MLF1: variants seen among roughly 807,000 people sequenced by gnomAD.
MLF1 encodes the protein myeloid leukemia factor 1, also known as myelodysplasia-myeloid leukemia factor 1.
MLF1 carries 37 observed loss-of-function variants against 38.3 expected under a neutral mutation model. That is an observed-to-expected ratio of 0.96 (90% CI 0.74 to 1.27). The LOEUF (loss-of-function observed/expected upper bound fraction) is 1.27. MLF1 is among the 50% of genes most tolerant of loss of function. The pLI, the probability that MLF1 is intolerant of heterozygous loss-of-function variation, is 0.00. For synonymous variants in MLF1, 95 were observed against 106.5 expected (o/e 0.89, Z 0.66); for missense variants, 331 against 349.2 (o/e 0.95, Z 0.42).
chr3:158,588,730 A>G (rs935300199), intron 1 of MLF1: 8 of 314,618 alleles, frequency 2.5e-5, no homozygotes, highest in African/African-American at 1.3e-4. Context: ...GTGTTTCTGC[A>G]TCATAAAAAA....
rs1271404101 is a variant in MLF1, at chr3:158,605,397, A to G, written c.*195A>G. The G allele has an allele frequency of 1.2e-5, 5 of 419,844 alleles. No individual in the cohort carries two copies. Among genetic ancestry groups the G allele is most frequent in the African/African-American group, 4.0e-5 (2 of 50,144 alleles). 26.0% of individuals were successfully genotyped at this position (419,844 alleles called of 1,614,324 possible). A position where few individuals can be genotyped will look rare whatever the true frequency, so the allele number is the denominator to read the frequency against. ...AGGAATAAAATTTTGATTTTCAACAATGTGAGTAAATTGAGTCTATTTAAT... is the reference window on the plus strand; with the variant it reads ...AGGAATAAAATTTTGATTTTCAACAGTGTGAGTAAATTGAGTCTATTTAAT... On this transcript the variant is annotated 3_prime_UTR_variant, in exon 8 of 8. Transcript: ENST00000466246.
chr3:158,582,788 A>G (rs1422297828), intron 1 of MLF1: 2 of 634,264 alleles, frequency 3.2e-6, no homozygotes, highest in Non-Finnish European at 2.8e-6. Context: ...GTCTCAGACA[A>G]ACAAAAATTT....
At chr3:158,591,085 AT>A in intron 1 of MLF1, 1 of 512,482 alleles carries the variant, frequency 2.0e-6, no homozygotes. Flanking sequence ...ACTTGGACTT[AT>A]GAGCAGAAGA....
chr3:158,591,472 T>A (rs1718133284), intron 1 of MLF1, among the ~76,000 whole-genome samples: 1 of 152,122 alleles, frequency 6.6e-6, no homozygotes, highest in Non-Finnish European at 1.5e-5. Context: ...GAAAAAATTT[T>A]AAAAACTTTC....
chr3:158,603,597 G>T (rs1025229835), intron 7 of MLF1, among the ~76,000 whole-genome samples: 1 of 152,096 alleles, frequency 6.6e-6, no homozygotes, highest in African/African-American at 2.4e-5. Flanking sequence ...CAGCACTTCC[G>T]GAGGCCGAGG....
At chr3:158,583,044 T>C (rs562423963) in intron 1 of MLF1, 4 of 523,604 alleles carry the variant, frequency 7.6e-6, no homozygotes, top group African/African-American at 4.0e-5. Context: ...CTACCTCTTA[T>C]ATTCTTCTCC....
At chr3:158,601,495 A>G (rs1181040946) in intron 6 of MLF1, among the ~76,000 whole-genome samples, 1 of 152,126 alleles carries the variant, frequency 6.6e-6, no homozygotes, top group South Asian at 2.1e-4. Context: ...GCTTGAACCC[A>G]GGAGGCGGAG....
Position 158,593,431 on chromosome 3 carries a change from G to T in MLF1, c.240+5G>T, listed in dbSNP as rs190012794. On this transcript the variant is annotated splice_donor_5th_base_variant and intron_variant, in intron 3 of 7. Coordinates refer to ENST00000466246, the MANE Select transcript of MLF1 (RefSeq NM_001369783.1). ...TTTGGCGATTTTGGTGGTATGGTTC[G>T]TATCTTAAGACACAAATCATTTTAG... The T allele has an allele frequency of 8.4e-6, 13 of 1,554,248 alleles. No homozygotes were observed. Among genetic ancestry groups the T allele is most frequent in the Middle Eastern group, 1.7e-4 (1 of 5,996 alleles).
chr3:158,601,806 C>CCT (rs1719802264), intron 6 of MLF1, among the ~76,000 whole-genome samples: 1 of 96,048 alleles, frequency 1.0e-5, no homozygotes, highest in Admixed American at 1.5e-4. Flanking sequence ...TAAAATTATT[C>CCT]TTTTTTTTTT....
chr3:158,572,786 G>A (rs1373153029), intron 1 of MLF1, among the ~76,000 whole-genome samples: 1 of 144,856 alleles, frequency 6.9e-6, no homozygotes, highest in Non-Finnish European at 1.5e-5. Flanking sequence ...AGTGGGGGGA[G>A]GAGGGTTTGG....
chr3:158,587,894 G>C (rs1033031066), intron 1 of MLF1, among the ~76,000 whole-genome samples: 3 of 152,206 alleles, frequency 2.0e-5, no homozygotes, highest in Non-Finnish European at 4.4e-5. Flanking sequence ...CCAGCTGCTG[G>C]GGAGGCTGAG....
chr3:158,592,793 G>A (rs373309053), intron 2 of MLF1, among the ~76,000 whole-genome samples: 2 of 152,016 alleles, frequency 1.3e-5, no homozygotes, highest in Non-Finnish European at 2.9e-5. Flanking sequence ...AAAACTGTTA[G>A]GTCCATAGAA....
intron 3 of MLF1, among the ~76,000 whole-genome samples, chr3:158,593,983 A>C (rs1057022540): frequency 2.0e-5 from 3 of 152,168 alleles, no homozygotes; most frequent in African/African-American, 7.2e-5. Flanking sequence ...CATTCTGGGG[A>C]GTAGCAGAAA....
At chr3:158,581,341 A>C (rs540117789) in intron 1 of MLF1, among the ~76,000 whole-genome samples, 142 of 152,332 alleles carry the variant, frequency 9.3e-4, no homozygotes, top group African/African-American at 3.3e-3. Flanking sequence ...AGAGGGGTGG[A>C]AAGTAACCAT....
chr3:158,576,469 C>T (rs1187816390), intron 1 of MLF1, among the ~76,000 whole-genome samples: 2 of 151,990 alleles, frequency 1.3e-5, no homozygotes, highest in African/African-American at 4.8e-5. Context: ...TAAAAAACAT[C>T]GATTATGTAG....
chr3:158,602,084 G>A (rs560870651), intron 6 of MLF1, among the ~76,000 whole-genome samples: 11 of 152,114 alleles, frequency 7.2e-5, no homozygotes, highest in Non-Finnish European at 8.8e-5. Flanking sequence ...CCAAAGTGCC[G>A]GGATTACAGG....
intron 4 of MLF1, among the ~76,000 whole-genome samples, chr3:158,597,731 A>G (rs1335825308): frequency 6.6e-6 from 1 of 152,174 alleles, no homozygotes; most frequent in Non-Finnish European, 1.5e-5. Context: ...CACTGACTAT[A>G]GAAGTATCAC....
intron 1 of MLF1, among the ~76,000 whole-genome samples, chr3:158,585,873 C>T (rs746367073): frequency 6.6e-6 from 1 of 152,040 alleles, no homozygotes; most frequent in East Asian, 1.9e-4. Context: ...TTGAAAAGAG[C>T]AATTTAAGCT....
intron 7 of MLF1, among the ~76,000 whole-genome samples, 160 bp from the exon 8 acceptor site, chr3:158,604,937 T>C (rs1171043045): frequency 2.0e-5 from 3 of 152,226 alleles, no homozygotes; most frequent in African/African-American, 7.2e-5. Context: ...ATTACAGGCA[T>C]GAGCCACCGC....
Sources: allele counts gnomAD v4.1 joint callset (sites outside exome capture counted in the v4.1 genomes callset), GRCh38; gene constraint gnomAD v4.1.1; transcripts MANE v1.5; gene names NCBI Gene and HGNC (gene_info 2026-07-23, HGNC 2026-07-21).